The following MACF1 variants were observed in gnomAD, a reference collection of about 807,000 sequenced individuals.
MACF1 encodes microtubule-actin cross-linking factor 1.
MACF1 carries 193 observed loss-of-function variants against 854.8 expected under a neutral mutation model. The ratio of observed to expected loss-of-function variants is 0.23; its 90% confidence interval spans 0.20 to 0.25. The LOEUF is 0.25. MACF1 is among the 10% of genes least tolerant of loss of function. MACF1 has a pLI of 1.00. For missense variants in MACF1, 7,722 were observed against 8,929.1 expected (o/e 0.86, Z 5.45); for synonymous variants, 3,185 against 3,226.7 (o/e 0.99, Z 0.44).
In MACF1 at chr1:39,385,580, T is replaced by G; in HGVS notation, c.13995T>G (p.Val4665=). The G allele has an allele frequency of 6.2e-7, 1 of 1,614,140 alleles. No individual in the cohort carries two copies. The highest frequency in any genetic ancestry group is 8.5e-7 in the Non-Finnish European group (1 of 1,180,020). ...KELQSINQKW[V]ELTDKLNSRS... Reference sequence around the variant, plus strand: ...TCCAGAGCATCAATCAGAAATGGGTTGAGCTGACTGACAAACTCAACTCCC... The same window carrying G: ...TCCAGAGCATCAATCAGAAATGGGTGGAGCTGACTGACAAACTCAACTCCC... The change falls in exon 57 of 101, where the codon GTT becomes GTG. Residue 4665 remains valine (V), a synonymous_variant. Coordinates refer to ENST00000564288, the MANE Select transcript of MACF1 (RefSeq NM_001394062.1).
intron 58 of MACF1, among the ~76,000 whole-genome samples, chr1:39,389,352 T>G (rs1304346143): frequency 1.7e-4 from 10 of 60,314 alleles, no homozygotes; most frequent in African/African-American, 5.0e-4. Context: ...TTTTTGTGTG[T>G]TTTTTTTTTT....
At chr1:39,131,687 T>A (rs1643009809) in intron 2 of MACF1, among the ~76,000 whole-genome samples, 1 of 152,220 alleles carries the variant, frequency 6.6e-6, no homozygotes, top group East Asian at 1.9e-4. Context: ...TGCAGACAGA[T>A]GTATGCTTAG....
intron 97 of MACF1, among the ~76,000 whole-genome samples, chr1:39,477,047 A>ATG (rs1347115763): frequency 2.1e-3 from 14 of 6,538 alleles, no homozygotes; most frequent in African/African-American, 5.6e-3. Flanking sequence ...CACTTAGTGT[A>ATG]TATATATATA....
At chr1:39,205,267 A>AGT (rs989814844) in intron 1 of MACF1, 136 bp downstream of exon 1, 42 of 636,004 alleles carry the variant, frequency 6.6e-5, no homozygotes, top group Middle Eastern at 7.5e-4. Context: ...CAGACTTAAG[A>AGT]GTGTGTGTGT....
chr1:39,276,578 T>G (rs1010370285), intron 6 of MACF1, among the ~76,000 whole-genome samples: 7 of 152,200 alleles, frequency 4.6e-5, no homozygotes, highest in African/African-American at 1.7e-4. Context: ...GGAATTCCTT[T>G]CTTCCTTGGC....
At chr1:39,442,632 C>T in intron 77 of MACF1, 65 bp downstream of exon 77, 1 of 1,608,950 alleles carries the variant, frequency 6.2e-7, no homozygotes, top group East Asian at 2.2e-5. Flanking sequence ...CCACCAGCAG[C>T]CTTTGAATGT....
intron 2 of MACF1, among the ~76,000 whole-genome samples, chr1:39,139,834 G>C (rs1404966410): frequency 2.0e-5 from 3 of 152,072 alleles, no homozygotes; most frequent in African/African-American, 7.2e-5. Context: ...ACATGTATTA[G>C]CTCATTGGAA....
intron 2 of MACF1, among the ~76,000 whole-genome samples, chr1:39,116,380 G>A (rs187180307): frequency 6.5e-5 from 8 of 123,916 alleles, no homozygotes; most frequent in African/African-American, 2.3e-4. Flanking sequence ...GAAGGGGTGA[G>A]TGTGTATGTG....
rs531260245 is a variant in MACF1 at position 39,240,885 on chromosome 1, A to G, written c.172-9129A>G. On this transcript the variant is annotated intron_variant, in intron 2 of 100. Coordinates refer to ENST00000564288, the MANE Select transcript of MACF1 (RefSeq NM_001394062.1). ...CTGTTAAATTTCTCACAATTTAGGG[A>G]ATTCTCAAAACAGAGATATGATAAA... is the stretch of plus-strand genomic sequence containing the variant. 4.6e-5 allele frequency among the ~76,000 whole-genome samples: 7 copies of G among 152,294 alleles called. 1 individual carries two copies. The South Asian group carries it at 1.2e-3, about 27-fold the overall frequency.
intron 53 of MACF1, 152 bp downstream of exon 53, chr1:39,378,675 G>C: frequency 1.4e-6 from 1 of 692,166 alleles, no homozygotes; most frequent in Non-Finnish European, 2.5e-6. Context: ...GTGGTTTGCT[G>C]GCTATAGACC....
rs879114786 is a variant in MACF1, at chr1:39,335,089, A to G, written c.8501A>G (p.Glu2834Gly). 9.9e-6 allele frequency: 16 copies of G among 1,614,156 alleles called. No individual in the cohort carries two copies. The South Asian group carries it at 1.3e-4, about 13-fold the overall frequency. The change falls in exon 37 of 101, where the codon GAG (glutamate) becomes GGG (glycine). Residue 2834 changes from glutamate (E) to glycine (G), a missense_variant. Coordinates refer to ENST00000564288, the MANE Select transcript of MACF1 (RefSeq NM_001394062.1). ...GTTAAAGTGAGAGTTTCTGATGGGG[A>G]GCAGGCAAAAAAGAGCAGGGAAATT... ...EKVKVRVSDG[E>G]QAKKSREISL...
At chr1:39,276,328 C>T (rs1396153246) in intron 6 of MACF1, among the ~76,000 whole-genome samples, 1 of 152,032 alleles carries the variant, frequency 6.6e-6, no homozygotes, top group Admixed American at 6.5e-5. Context: ...TTGCTCAGAA[C>T]AACTCGTCTC....
chr1:39,221,471 GAGA>G (rs1295021729), intron 1 of MACF1, among the ~76,000 whole-genome samples: 1 of 152,164 alleles, frequency 6.6e-6, no homozygotes, highest in Non-Finnish European at 1.5e-5. Context: ...AACTGTCTGT[GAGA>G]AGATCCTCCT....
intron 1 of MACF1, among the ~76,000 whole-genome samples, chr1:39,221,716 C>T (rs938348864): frequency 5.3e-5 from 8 of 152,272 alleles, no homozygotes; most frequent in South Asian, 2.1e-4. Flanking sequence ...TGCATGACAA[C>T]GTAGAGGTAC....
chr1:39,269,326 A>G (rs750373922), intron 6 of MACF1: 1 of 1,289,872 alleles, frequency 7.8e-7, no homozygotes, highest in Non-Finnish European at 1.0e-6. Context: ...CCCACTGATA[A>G]AGGAAATCAA....
At chr1:39,206,819 T>A (rs1484255942) in intron 1 of MACF1, 2 of 152,196 alleles carry the variant, frequency 1.3e-5, no homozygotes, top group Non-Finnish European at 2.9e-5. Context: ...TGCATTTCAT[T>A]TATTTAAAAA....
chr1:39,410,741 G>T, intron 58 of MACF1: 10 of 1,613,950 alleles, frequency 6.2e-6, no homozygotes, highest in Non-Finnish European at 8.5e-6. Flanking sequence ...TCAGAAGCTG[G>T]TGCTTCAAAT....
intron 2 of MACF1, among the ~76,000 whole-genome samples, chr1:39,162,012 A>G (rs913841288): frequency 2.6e-5 from 4 of 151,468 alleles, no homozygotes; most frequent in African/African-American, 7.3e-5. Context: ...GGAGTGAGCT[A>G]TGATCATGCC....
intron 97 of MACF1, among the ~76,000 whole-genome samples, chr1:39,472,902 G>A (rs754039391): frequency 6.6e-6 from 1 of 152,152 alleles, no homozygotes; most frequent in Non-Finnish European, 1.5e-5. Context: ...TCATGGAAGC[G>A]TGCAGGAGCT....
Sources: gnomAD v4.1 joint callset for allele counts (sites outside exome capture counted in the v4.1 genomes callset) on GRCh38, gnomAD v4.1.1 for gene constraint, MANE v1.5 for transcripts, NCBI Gene and HGNC (gene_info 2026-07-23, HGNC 2026-07-21) for gene names.